Variants in CDH13 observed in about 807,000 individuals in gnomAD.
CDH13 encodes cadherin 13.
Under a neutral mutation model 63.8 loss-of-function variants are expected in CDH13, and 24 were observed. The ratio of observed to expected loss-of-function variants is 0.38; its 90% CI spans 0.27 to 0.53. The LOEUF (loss-of-function observed/expected upper bound fraction) is 0.53, where lower values mean the gene tolerates loss of function less well. CDH13 is among the 20% of genes least tolerant of loss of function. The pLI, the probability that CDH13 is intolerant of heterozygous loss-of-function variation, is 0.85. For synonymous variants in CDH13, 503 were observed against 355.3 expected, an observed-to-expected ratio of 1.42 and a Z score of -4.67; for missense variants, 1,049 against 903.1, an observed-to-expected ratio of 1.16 and a Z score of -2.07.
chr16:83,558,040 A>G lies in CDH13; in HGVS notation c.961-44414A>G, dbSNP rs377319216. ...GAAATCAATGATTGTACAGCTTTAT[A>G]TAAAAAGGGCACCCAGCAATGCTCA... On this transcript the variant is annotated intron_variant, in intron 7 of 13. Coordinates refer to ENST00000567109, the MANE Select transcript of CDH13 (RefSeq NM_001257.5). 2.8e-4 allele frequency among the ~76,000 whole-genome samples: 42 copies of G among 152,270 alleles called. No homozygotes were observed. The South Asian group carries it at 7.9e-3, about 29-fold the overall frequency.
At chr16:82,782,151 C>T (rs2035783173) in intron 1 of CDH13, among the ~76,000 whole-genome samples, 1 of 152,158 alleles carries the variant, frequency 6.6e-6, no homozygotes, top group Admixed American at 6.5e-5. Flanking sequence ...GGGTGCAGAA[C>T]ATATGGTGGT....
Position 83,434,289 on chromosome 16 carries a change from G to C in CDH13, c.782-52188G>C, listed in dbSNP as rs545918731. ...CATAGGGCTTGGAATTTTGAGACCT[G>C]CGTTCTTGTCCTACCTGCTCCATCC... On this transcript the variant is annotated intron_variant, in intron 6 of 13. Coordinates refer to ENST00000567109, the MANE Select transcript of CDH13 (RefSeq NM_001257.5). Among the ~76,000 whole-genome samples the C allele has an allele frequency of 9.8e-4, 149 of 152,260 alleles. No individual in the cohort carries two copies. The Middle Eastern group carries it at 0.014, about 14-fold the overall frequency.
At chr16:83,108,159 C>T (rs1441207528) in intron 3 of CDH13, among the ~76,000 whole-genome samples, 2 of 152,010 alleles carry the variant, frequency 1.3e-5, no homozygotes, top group Non-Finnish European at 2.9e-5. Flanking sequence ...CCTTCATTCC[C>T]CGGGTATGTA....
chr16:83,286,140 C>T (rs1483736576), intron 5 of CDH13, among the ~76,000 whole-genome samples: 1 of 152,176 alleles, frequency 6.6e-6, no homozygotes, highest in Admixed American at 6.5e-5. Flanking sequence ...GTGTTTGAGG[C>T]ATGAACTGGA....
chr16:83,265,569 A>G (rs1269536266), intron 5 of CDH13, among the ~76,000 whole-genome samples: 1 of 151,934 alleles, frequency 6.6e-6, no homozygotes, highest in East Asian at 1.9e-4. Flanking sequence ...TGCCATCATA[A>G]TTTCAATTTT....
intron 4 of CDH13, among the ~76,000 whole-genome samples, chr16:83,170,469 T>G (rs2037869885): frequency 6.6e-6 from 1 of 152,100 alleles, no homozygotes; most frequent in Admixed American, 6.6e-5. Flanking sequence ...AGATACTATG[T>G]TTCATGAGGC....
At chr16:83,134,714 T>C (rs16959331) in intron 4 of CDH13, among the ~76,000 whole-genome samples, 7,767 of 152,246 alleles carry the variant, frequency 0.051, 615 homozygotes, top group African/African-American at 0.18. Context: ...AATTCTAACT[T>C]ATTTTTGCTA....
At chr16:83,541,124 C>T (rs1018320006) in intron 7 of CDH13, among the ~76,000 whole-genome samples, 4 of 152,146 alleles carry the variant, frequency 2.6e-5, no homozygotes, top group African/African-American at 9.7e-5. Flanking sequence ...CCAGCTGCCA[C>T]CTCCAGCCTC....
intron 6 of CDH13, among the ~76,000 whole-genome samples, chr16:83,429,864 G>A (rs543631108): frequency 4.4e-4 from 67 of 152,278 alleles, no homozygotes; most frequent in African/African-American, 1.5e-3. Context: ...GCTATCTGGA[G>A]CTTATTCAGC....
At position 82,644,369 on chromosome 16, in the gene CDH13, C is replaced by A. The variant is rs1909817655; in HGVS notation, c.45+17232C>A. ...TCTCCCTCTGTGCTCTCCATCACCC[C>A]CCTACGGAGTTCCTTTGATTCTCAG... On this transcript the variant is annotated intron_variant, in intron 1 of 13. Coordinates refer to ENST00000567109, the MANE Select transcript of CDH13 (RefSeq NM_001257.5). This position sits in a 1 kb window ranked among gnomAD's most constrained non-coding sequence, Gnocchi z 5.7. Among the ~76,000 whole-genome samples, 1 of 152,100 alleles carries A rather than the reference C, an allele frequency of 6.6e-6. No homozygotes were observed. Among genetic ancestry groups the A allele is most frequent in the South Asian group, 2.1e-4 (1 of 4,806 alleles).
chr16:83,096,953 G>A (rs545088153), intron 3 of CDH13, among the ~76,000 whole-genome samples: 182 of 152,046 alleles, frequency 1.2e-3, no homozygotes, highest in Non-Finnish European at 2.1e-3. Flanking sequence ...TTCTGAGCAC[G>A]GTTGAAAATA....
At chr16:83,596,714 G>A (rs1158195398) in intron 7 of CDH13, among the ~76,000 whole-genome samples, 1 of 152,138 alleles carries the variant, frequency 6.6e-6, no homozygotes, top group Non-Finnish European at 1.5e-5. Context: ...CAAGTGGAAG[G>A]TATTCTGATC....
chr16:83,610,814 A>T (rs1011562067), intron 8 of CDH13, among the ~76,000 whole-genome samples: 1 of 152,196 alleles, frequency 6.6e-6, no homozygotes, highest in Non-Finnish European at 1.5e-5. Context: ...TGAAGCTTAT[A>T]TGTGTTTCTG....
chr16:82,697,469 A>C (rs1266706494), intron 1 of CDH13, among the ~76,000 whole-genome samples: 2 of 119,052 alleles, frequency 1.7e-5, no homozygotes, highest in African/African-American at 3.3e-5. Flanking sequence ...TCACTCTGTC[A>C]CTGGGGCTGG....
At chr16:83,778,814 T>C (rs796282761) in intron 11 of CDH13, among the ~76,000 whole-genome samples, 29 of 152,196 alleles carry the variant, frequency 1.9e-4, no homozygotes, top group African/African-American at 6.7e-4. Flanking sequence ...TGAGACTCTT[T>C]TTCACCCCCA....
intron 1 of CDH13, among the ~76,000 whole-genome samples, chr16:82,722,409 C>G (rs201698135): frequency 8.9e-4 from 136 of 152,224 alleles, no homozygotes; most frequent in Non-Finnish European, 1.6e-3. Context: ...TTCACAACCC[C>G]AGCAGAGAGA....
chr16:82,772,489 C>T (rs1360728861), intron 1 of CDH13, among the ~76,000 whole-genome samples: 3 of 152,120 alleles, frequency 2.0e-5, no homozygotes, highest in Non-Finnish European at 4.4e-5. Context: ...GGGAGGGGAA[C>T]ATGCTGGATT....
chr16:82,924,983 GA>G (rs1468172025), intron 2 of CDH13, among the ~76,000 whole-genome samples: 1 of 152,040 alleles, frequency 6.6e-6, no homozygotes, highest in African/African-American at 2.4e-5. Flanking sequence ...TGAGACTTTA[GA>G]ACCGTATACG....
chr16:82,747,261 G>C (rs8060282), intron 1 of CDH13, among the ~76,000 whole-genome samples: 55,010 of 151,946 alleles, frequency 0.36, 10,832 homozygotes, highest in South Asian at 0.46. Context: ...TTCATAATCT[G>C]TAGCCAAAAC....
Sources: allele counts gnomAD v4.1 joint callset (sites outside exome capture counted in the v4.1 genomes callset), GRCh38; gene constraint gnomAD v4.1.1; non-coding constraint Gnocchi (gnomAD v3.1); transcripts MANE v1.5; gene names NCBI Gene and HGNC (gene_info 2026-07-23, HGNC 2026-07-21).